CCDC88A: variants seen among roughly 807,000 people sequenced by gnomAD.
CCDC88A encodes coiled-coil and HOOK domain protein 88A.
CCDC88A carries 54 observed loss-of-function variants against 234.3 expected under a neutral mutation model. That is an observed-to-expected ratio of 0.23 (90% CI 0.19 to 0.29). CCDC88A has a LOEUF of 0.29. Ranked by LOEUF, CCDC88A falls within the 10% of genes least tolerant of loss-of-function variation. The pLI is 1.00. For missense variants in CCDC88A, 1,832 were observed against 2,123.4 expected, an observed-to-expected ratio of 0.86 and a Z score of 2.70; for synonymous variants, 753 against 737.8, an observed-to-expected ratio of 1.02 and a Z score of -0.33.
At chr2:55,378,526 A>G (rs144367332) in intron 3 of CCDC88A, among the ~76,000 whole-genome samples, 11 of 152,338 alleles carry the variant, frequency 7.2e-5, no homozygotes, top group Admixed American at 3.3e-4. Context: ...AAGTGAAACA[A>G]AAGTAAAAAG....
chr2:55,418,959 C>T, intron 1 of CCDC88A, 43 bp from the exon 2 acceptor site: 13 of 1,595,158 alleles, frequency 8.1e-6, no homozygotes, highest in Non-Finnish European at 1.0e-5. Context: ...ACGCCCACCT[C>T]CATCTCTGCA....
At chr2:55,312,978 G>A (rs964088284) in intron 22 of CCDC88A, 1 of 162,332 alleles carries the variant, frequency 6.2e-6, no homozygotes, top group African/African-American at 2.4e-5. Flanking sequence ...CACCCAACAA[G>A]GCTGTTGCAA....
chr2:55,416,994 G>A (rs1681603510), intron 2 of CCDC88A: 1 of 151,716 alleles, frequency 6.6e-6, no homozygotes, highest in Non-Finnish European at 1.5e-5. Flanking sequence ...AAACTGAGAG[G>A]TGGAACTGAA....
intron 25 of CCDC88A, among the ~76,000 whole-genome samples, chr2:55,304,779 TA>T (rs1681337716): frequency 6.6e-6 from 1 of 152,204 alleles, no homozygotes; most frequent in South Asian, 2.1e-4. Flanking sequence ...GATTTAACTA[TA>T]AAAATTATTG....
At chr2:55,386,307 A>T (rs1394334150) in intron 3 of CCDC88A, among the ~76,000 whole-genome samples, 2 of 151,732 alleles carry the variant, frequency 1.3e-5, no homozygotes, top group Non-Finnish European at 2.9e-5. Context: ...CTGCATACTT[A>T]AAAGTATTTC....
At position 55,418,819 on chromosome 2, in the gene CCDC88A, T is replaced by C; in HGVS notation, c.161A>G (p.Gln54Arg). 1 of 1,611,414 alleles carries C rather than the reference T, an allele frequency of 6.2e-7. No individual in the cohort carries two copies. The highest frequency in any genetic ancestry group is 8.5e-7 in the Non-Finnish European group (1 of 1,177,496). The change falls in exon 2 of 33, where the codon CAA (glutamine) becomes CGA (arginine). Residue 54 changes from glutamine (Q) to arginine (R), a missense_variant. Coordinates refer to ENST00000436346, the MANE Select transcript of CCDC88A (RefSeq NM_001365480.1). ...DGVFLNQVML[Q>R]INPKLESQRV... The stretch of plus-strand genomic sequence containing the variant: ...TAGGAAAGAAGGAAGAACTTACATT[T>C]GGAGCATGACCTGGTTCAAGAATAC...
intron 29 of CCDC88A, among the ~76,000 whole-genome samples, 169 bp downstream of exon 29, chr2:55,299,670 T>C (rs895386330): frequency 4.6e-5 from 7 of 152,216 alleles, no homozygotes; most frequent in African/African-American, 1.4e-4. Context: ...TTTGTATACA[T>C]TGAAATACAT....
At chr2:55,312,707 A>G (rs1332412277) in intron 22 of CCDC88A, 128 bp from the exon 23 acceptor site, 3 of 658,084 alleles carry the variant, frequency 4.6e-6, no homozygotes, top group South Asian at 4.2e-5. Flanking sequence ...TTGTACTTTT[A>G]TCAGAGCATG....
rs547733323 is a variant in CCDC88A, at chr2:55,347,606, C to CTTTTTTT, written c.883-1280_883-1274dup. On this transcript the variant is annotated intron_variant, in intron 9 of 32. Transcript: ENST00000436346. ...ATACCTATGTTATCTATTCATCTAC[C>CTTTTTTT]TTTTTTTTTTTTTTTTTTTTGAGAC... Among the ~76,000 whole-genome samples, 422 of 102,108 alleles carry CTTTTTTT rather than the reference C, an allele frequency of 4.1e-3. 51 individuals carry two copies. Among genetic ancestry groups the CTTTTTTT allele is most frequent in the African/African-American group, 0.015 (385 of 25,316 alleles). The allele number at this position is 102,108 out of a possible 152,430, so 67.0% of individuals were successfully genotyped here. A position where few individuals can be genotyped will look rare whatever the true frequency, so the allele number is the denominator to read the frequency against.
intron 2 of CCDC88A, among the ~76,000 whole-genome samples, 200 bp from the exon 3 acceptor site, chr2:55,389,086 C>G (rs1308897381): frequency 6.6e-6 from 1 of 152,126 alleles, no homozygotes; most frequent in East Asian, 1.9e-4. Context: ...ACTGATTTCC[C>G]AAAGCAAGAA....
chr2:55,418,735 G>C, intron 2 of CCDC88A, 81 bp downstream of exon 2: 1 of 1,110,380 alleles, frequency 9.0e-7, no homozygotes, highest in Admixed American at 1.8e-5. Context: ...CCAAATTAGG[G>C]GCTTAAAACA....
At position 55,378,738 on chromosome 2, in the gene CCDC88A, C is replaced by CT. The variant is rs79242911; in HGVS notation, c.274-3856dup. Among the ~76,000 whole-genome samples, 239 of 142,830 alleles carry CT rather than the reference C, an allele frequency of 1.7e-3. 5 individuals carry two copies. The East Asian group carries it at 0.018, about 11-fold the overall frequency. The allele number at this position is 142,830 out of a possible 152,430, so 93.7% of individuals were successfully genotyped here. A position where few individuals can be genotyped will look rare whatever the true frequency, so the allele number is the denominator to read the frequency against. ...TCAGAGGATTTTTTATACACATATA[C>CT]TTTTTTTTTTTTTTTTTTTTTTTTT... On this transcript the variant is annotated intron_variant, in intron 3 of 32. Transcript: ENST00000436346.
chr2:55,346,362 ATT>A, intron 9 of CCDC88A, 29 bp from the exon 10 acceptor site: 1 of 1,340,202 alleles, frequency 7.5e-7, no homozygotes, highest in Non-Finnish European at 1.0e-6. Context: ...TTATATTTTA[ATT>A]ATTTTCTGTT....
rs13405460 is a variant in CCDC88A at position 55,335,950 on chromosome 2, C to T, written c.1656+731G>A. 0.058 allele frequency among the ~76,000 whole-genome samples: 8,826 copies of T among 151,800 alleles called. 797 individuals carry two copies. The highest frequency in any genetic ancestry group is 0.19 in the African/African-American group (7,932 of 41,358). On this transcript the variant is annotated intron_variant, in intron 14 of 32. Coordinates refer to ENST00000436346, the MANE Select transcript of CCDC88A (RefSeq NM_001365480.1). The surrounding 1 kb of genome is among the most constrained non-coding windows in gnomAD (Gnocchi z 4.5). ...GCTGGCACCTATAATCCTAGCACTT[C>T]GGGAGGCTGAGGCAGGAATATCACT...
intron 2 of CCDC88A, among the ~76,000 whole-genome samples, chr2:55,416,140 G>A (rs932105942): frequency 6.6e-6 from 1 of 151,820 alleles, no homozygotes; most frequent in Non-Finnish European, 1.5e-5. Context: ...ATATGTTCAA[G>A]AAGCTAGAGA....
intron 8 of CCDC88A, among the ~76,000 whole-genome samples, chr2:55,353,004 C>G (rs1283928651): frequency 1.3e-5 from 2 of 152,080 alleles, no homozygotes; most frequent in Non-Finnish European, 2.9e-5. Flanking sequence ...TAAAGAAACA[C>G]ATTTTCAAAG....
chr2:55,291,174 G>T lies in CCDC88A; in HGVS notation c.*36-10C>A, dbSNP rs1440990679. On this transcript the variant is annotated splice_polypyrimidine_tract_variant and intron_variant, in intron 32 of 32. Transcript: ENST00000436346. ...AAGGACACTTTTCTCTCTGTATTTA[G>T]TTGGAAGGTAGAAAGAAGAAAGAAA... The T allele has an allele frequency of 6.6e-6, 1 of 152,506 alleles. No individual in the cohort carries two copies. Among genetic ancestry groups the T allele is most frequent in the African/African-American group, 2.4e-5 (1 of 41,430 alleles). 9.4% of individuals were successfully genotyped at this position (152,506 alleles called of 1,614,324 possible).
intron 7 of CCDC88A, among the ~76,000 whole-genome samples, chr2:55,358,211 A>G (rs1015436914): frequency 6.6e-6 from 1 of 152,186 alleles, no homozygotes; most frequent in African/African-American, 2.4e-5. Flanking sequence ...ATCCAATACT[A>G]TAATTTGCAA....
chr2:55,369,201 ATT>A (rs1212812102), intron 5 of CCDC88A, among the ~76,000 whole-genome samples: 1 of 151,754 alleles, frequency 6.6e-6, no homozygotes, highest in Non-Finnish European at 1.5e-5. Flanking sequence ...CACCCGGCTA[ATT>A]TTTGTATTTT....
Sources: allele counts gnomAD v4.1 joint callset (sites outside exome capture counted in the v4.1 genomes callset), GRCh38; gene constraint gnomAD v4.1.1; non-coding constraint Gnocchi (gnomAD v3.1); transcripts MANE v1.5; gene names NCBI Gene and HGNC (gene_info 2026-07-23, HGNC 2026-07-21).